Variants in EHF observed in about 807,000 individuals in gnomAD.
EHF encodes the protein ETS homologous factor, also known as ESE3 transcription factor.
EHF carries 14 observed loss-of-function variants against 45.1 expected under a neutral mutation model. The ratio of observed to expected loss-of-function variants is 0.31; its 90% CI spans 0.21 to 0.49. The LOEUF is 0.49. Among genes scored for constraint, EHF ranks in the 20% least tolerant of loss-of-function variants. The probability of loss-of-function intolerance (pLI) is 0.99; values close to 1 mark genes in which losing one functional copy is unlikely to be tolerated. For missense variants in EHF, 282 were observed against 371.4 expected (o/e 0.76, Z 1.98); for synonymous variants, 136 against 131.8 (o/e 1.03, Z -0.22).
At chr11:34,633,572 C>A (rs908895698) in intron 1 of EHF, among the ~76,000 whole-genome samples, 12 of 152,014 alleles carry the variant, frequency 7.9e-5, no homozygotes, top group African/African-American at 2.9e-4. Context: ...AGCATTAGGA[C>A]CTATTTTATT....
chr11:34,636,875 C>A (rs1247764914), intron 1 of EHF, among the ~76,000 whole-genome samples: 9 of 151,940 alleles, frequency 5.9e-5, no homozygotes, highest in Admixed American at 3.9e-4. Flanking sequence ...ACTAAAAATA[C>A]AAAATTAGCC....
rs189376267 is a variant in EHF, at chr11:34,649,008, G to A, written c.344-11G>A. 2.3e-4 allele frequency: 376 copies of A among 1,613,172 alleles called. No homozygotes were observed. The African/African-American group carries it at 4.5e-3, about 19-fold the overall frequency. ...GGGCCCTCTCTGACTATCCCAATCT[G>A]TCCTTCACAGGCCAGTGCAGTAGTG... On this transcript the variant is annotated splice_polypyrimidine_tract_variant and intron_variant, in intron 3 of 8. Coordinates refer to ENST00000257831, the MANE Select transcript of EHF (RefSeq NM_012153.6).
chr11:34,642,458 A>T, intron 1 of EHF, 170 bp from the exon 2 acceptor site: 1 of 534,320 alleles, frequency 1.9e-6, no homozygotes, highest in East Asian at 3.0e-5. Flanking sequence ...GAAATTTTTA[A>T]TTGCTGTGAG....
intron 2 of EHF, 144 bp downstream of exon 2, chr11:34,642,871 G>A (rs1019269484): frequency 3.4e-5 from 22 of 654,556 alleles, no homozygotes; most frequent in Admixed American, 1.0e-4. Context: ...CTCAGTTTTG[G>A]AGTTCCCTAC....
At chr11:34,657,218 C>T (rs1235947378) in intron 7 of EHF, among the ~76,000 whole-genome samples, 1 of 151,188 alleles carries the variant, frequency 6.6e-6, no homozygotes, top group African/African-American at 2.4e-5. Flanking sequence ...AAAACTGAGA[C>T]ACCCAGTGCC....
At chr11:34,646,838 G>A (rs1854598802) in intron 3 of EHF, 154 bp downstream of exon 3, 1 of 996,440 alleles carries the variant, frequency 1.0e-6, no homozygotes, top group East Asian at 2.4e-5. Context: ...GAAGGAAGAT[G>A]AAAGGACAGG....
chr11:34,651,501 A>T, intron 4 of EHF, 41 bp from the exon 5 acceptor site: 1 of 1,419,406 alleles, frequency 7.0e-7, no homozygotes, highest in Middle Eastern at 1.7e-4. Flanking sequence ...CTCCCTGGGG[A>T]AAAGAGATCG....
At position 34,643,377 on chromosome 11, in the gene EHF, C is replaced by T. The variant is rs189243460; in HGVS notation, c.97+650C>T. Reference sequence around the variant, plus strand: ...ATCAAGTTGTTGCTGAATCGGGAACCCCATACCCCAATTTAGAGCTCTCCA... The same window carrying T: ...ATCAAGTTGTTGCTGAATCGGGAACTCCATACCCCAATTTAGAGCTCTCCA... On this transcript the variant is annotated intron_variant, in intron 2 of 8. Coordinates refer to ENST00000257831, the MANE Select transcript of EHF (RefSeq NM_012153.6). Among the ~76,000 whole-genome samples the T allele has an allele frequency of 6.3e-4, 96 of 152,206 alleles. 1 individual carries two copies. The highest frequency in any genetic ancestry group is 2.2e-3 in the African/African-American group (90 of 41,530).
rs142561444 is a variant in EHF at position 34,646,614 on chromosome 11, G to A, written c.273G>A (p.Gln91=). The A allele has an allele frequency of 1.2e-6, 2 of 1,613,888 alleles. No individual in the cohort carries two copies. The highest frequency in any genetic ancestry group is 4.5e-5 in the East Asian group (2 of 44,878). ...NGEHLCSMSL[Q]EFTRAAGTAG... ...AGCACCTCTGCAGCATGAGTTTGCA[G>A]GAGTTCACCCGGGCGGCAGGGACGG... is the stretch of plus-strand genomic sequence containing the variant. The change falls in exon 3 of 9, where the codon CAG becomes CAA. Residue 91 remains glutamine, a synonymous_variant. Transcript: ENST00000257831.
intron 6 of EHF, among the ~76,000 whole-genome samples, chr11:34,656,570 A>ACTTCTATG (rs150936345): frequency 0.19 from 29,347 of 151,778 alleles, 3,113 homozygotes; most frequent in East Asian, 0.42. Flanking sequence ...GGGCCTTTGC[A>ACTTCTATG]CTTCTATGTT....
intron 7 of EHF, 72 bp downstream of exon 7, chr11:34,657,042 T>C: frequency 6.4e-7 from 1 of 1,570,276 alleles, no homozygotes; most frequent in South Asian, 1.1e-5. Context: ...GCCACTAGTT[T>C]TTTGGCAAAT....
chr11:34,638,438 A>G (rs1224736590), intron 1 of EHF, among the ~76,000 whole-genome samples: 1 of 152,172 alleles, frequency 6.6e-6, no homozygotes, highest in Non-Finnish European at 1.5e-5. Context: ...TTAACCCTCC[A>G]GCAAGCCTAT....
intron 6 of EHF, among the ~76,000 whole-genome samples, chr11:34,656,425 T>A (rs1855681224): frequency 6.6e-6 from 1 of 152,022 alleles, no homozygotes; most frequent in Admixed American, 6.6e-5. Context: ...TTTTCAATGA[T>A]CTAAATCTTT....
chr11:34,658,007 C>T (rs970583875), intron 7 of EHF, among the ~76,000 whole-genome samples: 9 of 151,970 alleles, frequency 5.9e-5, no homozygotes, highest in East Asian at 5.8e-4. Flanking sequence ...CCAGTCCCTG[C>T]GTGACCACCC....
intron 1 of EHF, among the ~76,000 whole-genome samples, chr11:34,626,460 G>A (rs1353194613): frequency 6.6e-6 from 1 of 152,178 alleles, no homozygotes; most frequent in African/African-American, 2.4e-5. Flanking sequence ...TGGACAATAA[G>A]GTGAGCAGAG....
chr11:34,644,844 C>T (rs1472227305), intron 2 of EHF, among the ~76,000 whole-genome samples: 1 of 152,236 alleles, frequency 6.6e-6, no homozygotes, highest in Non-Finnish European at 1.5e-5. Context: ...GGCCTTGCCC[C>T]AGACCTGTTG....
intron 1 of EHF, 181 bp from the exon 2 acceptor site, chr11:34,642,447 G>A (rs1193888096): frequency 3.8e-6 from 2 of 526,918 alleles, no homozygotes; most frequent in Admixed American, 6.2e-5. Context: ...AATTGAACCT[G>A]GAAATTTTTA....
At chr11:34,656,107 C>T (rs966412805) in intron 6 of EHF, among the ~76,000 whole-genome samples, 2 of 152,136 alleles carry the variant, frequency 1.3e-5, no homozygotes, top group African/African-American at 4.8e-5. Context: ...CACTCACACA[C>T]ACACGGCTAG....
chr11:34,627,574 A>G (rs572724834), intron 1 of EHF, among the ~76,000 whole-genome samples: 2 of 152,288 alleles, frequency 1.3e-5, no homozygotes, highest in South Asian at 4.1e-4. Flanking sequence ...TTTTGCCCAG[A>G]CACTCTGGGG....
Sources: allele counts gnomAD v4.1 joint callset (sites outside exome capture counted in the v4.1 genomes callset), GRCh38; gene constraint gnomAD v4.1.1; transcripts MANE v1.5; gene names NCBI Gene and HGNC (gene_info 2026-07-23, HGNC 2026-07-21).